TSPAN8: variants seen among roughly 807,000 people sequenced by gnomAD.
TSPAN8 encodes tetraspanin-8.
TSPAN8 carries 21 observed loss-of-function variants against 32.8 expected under a neutral mutation model. That is an observed-to-expected ratio of 0.64 (90% CI 0.45 to 0.92). TSPAN8 has a LOEUF of 0.92. TSPAN8 is among the 40% of genes least tolerant of loss of function. The pLI is 0.00. For synonymous variants in TSPAN8, 95 were observed against 94.6 expected, an observed-to-expected ratio of 1.00 and a Z score of -0.03; for missense variants, 269 against 281.9, an observed-to-expected ratio of 0.95 and a Z score of 0.33.
At chr12:71,128,022 G>T (rs1871397732) in intron 8 of TSPAN8, among the ~76,000 whole-genome samples, 1 of 151,918 alleles carries the variant, frequency 6.6e-6, no homozygotes, top group South Asian at 2.1e-4. Context: ...TTCTAAATTA[G>T]CATAAACCCA....
At chr12:71,128,318 T>A (rs978289907) in intron 8 of TSPAN8, among the ~76,000 whole-genome samples, 1 of 152,174 alleles carries the variant, frequency 6.6e-6, no homozygotes, top group Non-Finnish European at 1.5e-5. Flanking sequence ...AATTGCTTCA[T>A]TCCCAGTTAA....
At chr12:71,139,584 C>T (rs1871831239) in intron 4 of TSPAN8, 127 bp downstream of exon 4, 2 of 1,291,192 alleles carry the variant, frequency 1.5e-6, no homozygotes, top group African/African-American at 3.1e-5. Flanking sequence ...CACAATCAAA[C>T]CTTCTAAAGA....
intron 6 of TSPAN8, among the ~76,000 whole-genome samples, chr12:71,137,105 C>A (rs998469257): frequency 6.6e-6 from 1 of 151,956 alleles, no homozygotes; most frequent in Non-Finnish European, 1.5e-5. Flanking sequence ...ACCCCTCTCT[C>A]TACAAAAATG....
At chr12:71,126,372 A>T (rs752023514) in intron 8 of TSPAN8, among the ~76,000 whole-genome samples, 9 of 152,178 alleles carry the variant, frequency 5.9e-5, no homozygotes, top group Non-Finnish European at 1.0e-4. Context: ...TTTTGTCTTG[A>T]TCCTGAGCCT....
intron 4 of TSPAN8, among the ~76,000 whole-genome samples, chr12:71,138,661 G>A (rs1173089316): frequency 2.6e-5 from 4 of 151,982 alleles, no homozygotes; most frequent in Admixed American, 1.3e-4. Context: ...TCCTGAAATC[G>A]GCTTCAGATA....
rs564907596 is a variant in TSPAN8, at chr12:71,135,569, G to A, written c.444+2384C>T. On this transcript the variant is annotated intron_variant, in intron 6 of 8. Transcript: ENST00000247829. Reference sequence around the variant, plus strand: ...AGAAGGAGAAGAAGGAGGAGAAGAAGAAGACTCATAATGGAAATTTGAAGA... The same window carrying A: ...AGAAGGAGAAGAAGGAGGAGAAGAAAAAGACTCATAATGGAAATTTGAAGA... 5.9e-5 allele frequency among the ~76,000 whole-genome samples: 9 copies of A among 152,058 alleles called. No individual in the cohort carries two copies. In the South Asian group the frequency reaches 1.9e-3, roughly 32 times the overall value.
intron 6 of TSPAN8, among the ~76,000 whole-genome samples, chr12:71,136,668 A>ACCTTC (rs1426244403): frequency 1.3e-5 from 2 of 152,148 alleles, no homozygotes; most frequent in African/African-American, 4.8e-5. Flanking sequence ...AGAGTAGAAG[A>ACCTTC]CCTTCAATGC....
At chr12:71,152,942 C>T (rs942829348) in intron 2 of TSPAN8, among the ~76,000 whole-genome samples, 3 of 152,204 alleles carry the variant, frequency 2.0e-5, no homozygotes, top group Non-Finnish European at 2.9e-5. Flanking sequence ...CAAGTTCAGA[C>T]TTCTTTCTGC....
chr12:71,130,692 C>T (rs1026996292), intron 7 of TSPAN8, among the ~76,000 whole-genome samples: 5 of 152,128 alleles, frequency 3.3e-5, no homozygotes, highest in South Asian at 2.1e-4. Context: ...TTTAACCCAA[C>T]GTGGTAAACA....
At chr12:71,138,109 T>C (rs1798093) in intron 5 of TSPAN8, 47 bp downstream of exon 5, 619,216 of 1,609,648 alleles carry the variant, frequency 0.38, 121,813 homozygotes, top group African/African-American at 0.46. Flanking sequence ...AGGTAGTATT[T>C]CAATTTTTCA....
chr12:71,137,967 C>G lies in TSPAN8; in HGVS notation c.430G>C (p.Val144Leu), dbSNP rs781367072. ...SEKQFQEAIIVFQEEFKCCGL... is the reference protein window; with the variant it reads ...SEKQFQEAIILFQEEFKCCGL... ...ATTCTAATTACCTCTTCTTGAAACACAATTATGGCTTCCTGGAATTGTTTT... is the reference window on the plus strand; with the variant it reads ...ATTCTAATTACCTCTTCTTGAAACAGAATTATGGCTTCCTGGAATTGTTTT... The change falls in exon 6 of 9, where the codon GTG (valine) becomes CTG (leucine). Residue 144 changes from valine (V) to leucine (L), a missense_variant. Val to Leu is a conservative substitution (Grantham distance 32). Coordinates refer to ENST00000247829, the MANE Select transcript of TSPAN8 (RefSeq NM_004616.3). The G allele has an allele frequency of 1.9e-6, 3 of 1,613,380 alleles. No individual in the cohort carries two copies. The highest frequency in any genetic ancestry group is 2.2e-5 in the East Asian group (1 of 44,854).
Position 71,138,054 on chromosome 12 carries a change from G to T in TSPAN8, c.343C>A (p.Arg115Ser). 1.9e-6 allele frequency: 3 copies of T among 1,613,360 alleles called. No homozygotes were observed. The highest frequency in any genetic ancestry group is 2.2e-5 in the South Asian group (2 of 90,878). Residue 115 changes from arginine to serine, a missense_variant, in exon 6 of 9, where the codon CGC becomes AGC. Arg to Ser is a moderately radical substitution (Grantham distance 110). Transcript: ENST00000247829. ...TCATAGAGAGTTTCATTCACAATGC[G>T]ATCAGACTGAAAATTGAAAAGTATT... ...LGAVFKSKSDRIVNETLYENT... is the reference protein window; with the variant it reads ...LGAVFKSKSDSIVNETLYENT...
chr12:71,129,097 A>G (rs1302503105), intron 8 of TSPAN8, among the ~76,000 whole-genome samples: 1 of 152,162 alleles, frequency 6.6e-6, no homozygotes, highest in African/African-American at 2.4e-5. Context: ...GAGGTCATTC[A>G]GAAGCAAGAA....
intron 7 of TSPAN8, among the ~76,000 whole-genome samples, chr12:71,132,248 T>A (rs1458983750): frequency 6.6e-6 from 1 of 152,222 alleles, no homozygotes; most frequent in Non-Finnish European, 1.5e-5. Context: ...CTTGGAGTCC[T>A]TTCTTTAAAT....
At chr12:71,154,016 A>G (rs1872340621) in intron 2 of TSPAN8, among the ~76,000 whole-genome samples, 1 of 152,110 alleles carries the variant, frequency 6.6e-6, no homozygotes, top group Non-Finnish European at 1.5e-5. Context: ...CCATAAAATA[A>G]TCAGAGCTCT....
At chr12:71,135,270 A>T (rs1374703877) in intron 6 of TSPAN8, among the ~76,000 whole-genome samples, 1 of 79,120 alleles carries the variant, frequency 1.3e-5, no homozygotes, top group Non-Finnish European at 2.8e-5. Context: ...GAAGAGGAGG[A>T]GGAGAAGGAA....
chr12:71,138,103 A>T, intron 5 of TSPAN8, 43 bp from the exon 6 acceptor site: 1 of 1,610,892 alleles, frequency 6.2e-7, no homozygotes, highest in Non-Finnish European at 8.5e-7. Flanking sequence ...GCCACAAGGT[A>T]GTATTTCAAT....
intron 2 of TSPAN8, 82 bp downstream of exon 2, chr12:71,157,537 G>T (rs1403760017): frequency 5.2e-6 from 5 of 965,686 alleles, no homozygotes; most frequent in African/African-American, 1.6e-5. Flanking sequence ...TTTCTCTAGT[G>T]TACAGTCTGT....
intron 2 of TSPAN8, among the ~76,000 whole-genome samples, chr12:71,150,790 T>A (rs2137060342): frequency 6.6e-6 from 1 of 152,270 alleles, no homozygotes; most frequent in East Asian, 1.9e-4. Context: ...CTTGTGGTAG[T>A]GAATAATTCT....
Sources: allele counts gnomAD v4.1 joint callset (sites outside exome capture counted in the v4.1 genomes callset), GRCh38; gene constraint gnomAD v4.1.1; transcripts MANE v1.5; gene names NCBI Gene and HGNC (gene_info 2026-07-23, HGNC 2026-07-21).